The following ELFN1 variants were observed in gnomAD, a reference collection of about 807,000 sequenced individuals.
The protein encoded by ELFN1 is extracellular leucine rich repeat and fibronectin type III domain containing 1, also known as protein ELFN1.
In ELFN1, 6 loss-of-function variants were observed where a neutral mutation model predicts 7.6. That is an observed-to-expected ratio of 0.79 (90% CI 0.43 to 1.56). ELFN1 has a LOEUF of 1.56. ELFN1 is among the 40% of genes most tolerant of loss of function. The probability of loss-of-function intolerance (pLI) is 0.01; values close to 1 mark genes in which losing one functional copy is unlikely to be tolerated. For missense variants in ELFN1, 1,169 were observed against 1,232.2 expected, an observed-to-expected ratio of 0.95 and a Z score of 0.77; for synonymous variants, 657 against 588.1, an observed-to-expected ratio of 1.12 and a Z score of -1.70.
At chr7:1,720,609 C>A (rs1352934961) in intron 3 of ELFN1, among the ~76,000 whole-genome samples, 1 of 152,146 alleles carries the variant, frequency 6.6e-6, no homozygotes, top group Non-Finnish European at 1.5e-5. Context: ...GTGCCAAGAA[C>A]CTCAGCAGGT....
At chr7:1,676,392 C>A (rs530190370) in intron 1 of ELFN1, among the ~76,000 whole-genome samples, 1 of 151,998 alleles carries the variant, frequency 6.6e-6, no homozygotes, top group African/African-American at 2.4e-5. Context: ...TGGGGTGGCC[C>A]GGGCTGGGGA....
At chr7:1,678,883 C>A (rs551616743) in intron 1 of ELFN1, among the ~76,000 whole-genome samples, 1 of 152,336 alleles carries the variant, frequency 6.6e-6, no homozygotes, top group South Asian at 2.1e-4. Flanking sequence ...CGTGGACACG[C>A]TGTGAACTGG....
chr7:1,699,137 G>A (rs917967536), intron 2 of ELFN1, among the ~76,000 whole-genome samples: 2 of 152,180 alleles, frequency 1.3e-5, no homozygotes, highest in Non-Finnish European at 2.9e-5. Flanking sequence ...CTTCATTGCC[G>A]TATAGTATTC....
intron 2 of ELFN1, among the ~76,000 whole-genome samples, chr7:1,689,410 G>A (rs1016311275): frequency 1.3e-5 from 2 of 152,204 alleles, no homozygotes; most frequent in Admixed American, 6.5e-5. Flanking sequence ...GAGGTGAGAC[G>A]CTGGGAGGAA....
intron 1 of ELFN1, among the ~76,000 whole-genome samples, chr7:1,677,944 G>A (rs1405346599): frequency 6.6e-6 from 1 of 152,066 alleles, no homozygotes; most frequent in Non-Finnish European, 1.5e-5. Flanking sequence ...GGTGTTTGCT[G>A]TCTGACAGAC....
At chr7:1,681,418 A>G (rs891889612) in intron 1 of ELFN1, among the ~76,000 whole-genome samples, 65 of 152,024 alleles carry the variant, frequency 4.3e-4, no homozygotes, top group Admixed American at 2.2e-3. Context: ...GCTGGAGTGC[A>G]CTGGCTTAAT....
At chr7:1,693,617 C>A (rs1173987188) in intron 2 of ELFN1, 1 of 471,240 alleles carries the variant, frequency 2.1e-6, no homozygotes, top group Non-Finnish European at 4.4e-6. Context: ...TGTGTGAACA[C>A]CTCCGGCGGT....
chr7:1,747,732 G>C lies in ELFN1; in HGVS notation c.*649G>C, dbSNP rs749060384. The C allele has an allele frequency of 1.5e-4, 25 of 165,528 alleles. No individual in the cohort carries two copies. Among genetic ancestry groups the C allele is most frequent in the Admixed American group, 9.8e-4 (15 of 15,286 alleles). The allele number at this position is 165,528 out of a possible 1,614,324, so 10.3% of individuals were successfully genotyped here. A position where few individuals can be genotyped will look rare whatever the true frequency, so the allele number is the denominator to read the frequency against. On this transcript the variant is annotated 3_prime_UTR_variant, in exon 4 of 4. Transcript: ENST00000424383. ...GTGGGTGGAGGCTGTGCCTGTGGACGGCCGGGGTGGCCAGGACGGCCAAGG... is the reference window on the plus strand; with the variant it reads ...GTGGGTGGAGGCTGTGCCTGTGGACCGCCGGGGTGGCCAGGACGGCCAAGG...
At chr7:1,680,529 C>T (rs965698981) in intron 1 of ELFN1, among the ~76,000 whole-genome samples, 2 of 152,158 alleles carry the variant, frequency 1.3e-5, no homozygotes, top group African/African-American at 4.8e-5. Flanking sequence ...TTTACAGAGG[C>T]ATCCTGTGCG....
In ELFN1 at chr7:1,744,428, C is replaced by T; in HGVS notation, c.-169C>T. The T allele has an allele frequency of 8.0e-6, 6 of 747,888 alleles. No individual in the cohort carries two copies. Among genetic ancestry groups the T allele is most frequent in the Non-Finnish European group, 1.0e-5 (5 of 497,186 alleles). The allele number at this position is 747,888 out of a possible 1,614,324, so 46.3% of individuals were successfully genotyped here. ...AGGCGGCCGGCCGTGAGGGAGGCGC[C>T]CTCCCTCCCCGCGCTTACGTCGCGC... On this transcript the variant is annotated 5_prime_UTR_variant, in exon 4 of 4. Coordinates refer to ENST00000424383, the MANE Select transcript of ELFN1 (RefSeq NM_001128636.4).
chr7:1,666,800 G>A (rs1778677789), upstream of ELFN1, among the ~76,000 whole-genome samples: 1 of 151,856 alleles, frequency 6.6e-6, no homozygotes, highest in Non-Finnish European at 1.5e-5. The surrounding 1 kb of genome is among the most constrained non-coding windows in gnomAD (Gnocchi z 7.9). Context: ...GGCGTGGGGG[G>A]GCGCAGCGCC....
At chr7:1,738,763 C>T (rs1562386535) in intron 3 of ELFN1, 1 of 151,952 alleles carries the variant, frequency 6.6e-6, no homozygotes, top group Non-Finnish European at 1.5e-5. Context: ...CTGGGCACCG[C>T]GCCGGCCCTG....
upstream of ELFN1, among the ~76,000 whole-genome samples, chr7:1,668,670 G>A (rs1215944113): frequency 1.3e-5 from 2 of 152,188 alleles, no homozygotes; most frequent in Non-Finnish European, 2.9e-5. Context: ...AGGGTGCCCC[G>A]CTCACCGCCG....
chr7:1,746,178 G>T lies in ELFN1; in HGVS notation c.1582G>T (p.Val528Phe). ...PKASKGSYME[V>F]RTGDPPERRD... ...GGCCAGCAAGGGCAGCTACATGGAG[G>T]TTCGAACCGGGGACCCTCCGGAACG... Residue 528 changes from valine (V) to phenylalanine (F), a missense_variant, in exon 4 of 4, where the codon GTT becomes TTT. Physicochemically the swap from Val to Phe is conservative, Grantham distance 50 (BLOSUM62 -1). Transcript: ENST00000424383. The T allele has an allele frequency of 1.9e-6, 3 of 1,549,990 alleles. No homozygotes were observed. The highest frequency in any genetic ancestry group is 2.6e-6 in the Non-Finnish European group (3 of 1,147,030).
chr7:1,726,748 C>T (rs566143744), intron 3 of ELFN1, among the ~76,000 whole-genome samples: 1 of 152,300 alleles, frequency 6.6e-6, no homozygotes, highest in Non-Finnish European at 1.5e-5. Flanking sequence ...GAGGGGCCGT[C>T]GTCCCAGCCT....
rs1010509291 is a variant in ELFN1 at position 1,740,077 on chromosome 7, A to G, written c.-293-4227A>G. Reference sequence around the variant, plus strand: ...CAGCGCAAGTACAGAACCTCTGTGCATCCAAGAAAGTGGTGTGGGCAGGAT... The same window carrying G: ...CAGCGCAAGTACAGAACCTCTGTGCGTCCAAGAAAGTGGTGTGGGCAGGAT... On this transcript the variant is annotated intron_variant, in intron 3 of 3. Transcript: ENST00000424383. The surrounding 1 kb of genome is among the most constrained non-coding windows in gnomAD (Gnocchi z 5.0). Among the ~76,000 whole-genome samples, 5 of 152,210 alleles carry G rather than the reference A, an allele frequency of 3.3e-5. No individual in the cohort carries two copies. The highest frequency in any genetic ancestry group is 7.4e-5 in the Non-Finnish European group (5 of 68,020).
chr7:1,700,633 C>T (rs1023989268), intron 2 of ELFN1, among the ~76,000 whole-genome samples: 2 of 152,206 alleles, frequency 1.3e-5, no homozygotes, highest in Non-Finnish European at 2.9e-5. Context: ...TCCTGCTTCA[C>T]ACGTGTGGGA....
intron 2 of ELFN1, among the ~76,000 whole-genome samples, chr7:1,703,046 T>G (rs1779460654): frequency 6.6e-6 from 1 of 152,224 alleles, no homozygotes; most frequent in South Asian, 2.1e-4. Flanking sequence ...CTGGGATTTA[T>G]TTTTAGTTTG....
At chr7:1,702,969 T>C (rs1779459101) in intron 2 of ELFN1, among the ~76,000 whole-genome samples, 1 of 152,214 alleles carries the variant, frequency 6.6e-6, no homozygotes, top group African/African-American at 2.4e-5. Flanking sequence ...TTTAGATCTG[T>C]ATTGCCAAAT....
Sources: gnomAD v4.1 joint callset for allele counts (sites outside exome capture counted in the v4.1 genomes callset) on GRCh38, gnomAD v4.1.1 for gene constraint, Gnocchi (gnomAD v3.1) non-coding constraint, MANE v1.5 for transcripts, NCBI Gene and HGNC (gene_info 2026-07-23, HGNC 2026-07-21) for gene names.